The following DPYD variants were observed in gnomAD, a reference collection of about 807,000 sequenced individuals.
DPYD encodes the protein dihydropyrimidine dehydrogenase.
A neutral mutation model predicts 116.2 loss-of-function variants in DPYD; 109 were observed. The observed-to-expected ratio is 0.94, with a 90% confidence interval of 0.80 to 1.10. The LOEUF (loss-of-function observed/expected upper bound fraction) is 1.10. DPYD is among the 50% of genes least tolerant of loss of function. DPYD has a pLI of 0.00. For missense variants in DPYD, 1,302 were observed against 1,254.5 expected (o/e 1.04, Z -0.57); for synonymous variants, 440 against 432.0 (o/e 1.02, Z -0.23).
chr1:97,447,921 C>T (rs1314843198), intron 14 of DPYD, among the ~76,000 whole-genome samples: 1 of 151,998 alleles, frequency 6.6e-6, no homozygotes, highest in Non-Finnish European at 1.5e-5. Flanking sequence ...TCATACCATT[C>T]TCATGTTGCA....
intron 3 of DPYD, among the ~76,000 whole-genome samples, chr1:97,788,508 T>A (rs1374193733): frequency 6.6e-6 from 1 of 152,162 alleles, no homozygotes; most frequent in East Asian, 1.9e-4. Flanking sequence ...ATAGTTTGAA[T>A]GAGCTCAAGC....
chr1:97,591,041 C>T (rs1005800239), intron 10 of DPYD, among the ~76,000 whole-genome samples: 4 of 152,152 alleles, frequency 2.6e-5, no homozygotes, highest in Admixed American at 6.5e-5. Flanking sequence ...ATGATACTGG[C>T]GTTTTTTCTA....
chr1:97,828,214 A>G lies in DPYD; in HGVS notation c.151-18T>C. 6.2e-7 allele frequency: 1 copy of G among 1,608,720 alleles called. No individual in the cohort carries two copies. The highest frequency in any genetic ancestry group is 1.1e-5 in the South Asian group (1 of 90,956). On this transcript the variant is annotated intron_variant, in intron 2 of 22. Transcript: ENST00000370192. ...TCACAATTCTGCAACATATTTAAAA[A>G]TTGCATTAATTCTCTAAGATCCTGA...
At chr1:97,161,597 T>G (rs1006743951) in intron 20 of DPYD, among the ~76,000 whole-genome samples, 1 of 151,892 alleles carries the variant, frequency 6.6e-6, no homozygotes, top group Admixed American at 6.6e-5. Context: ...ATACTTTAAG[T>G]TTTAGGGTAC....
chr1:97,559,261 C>A (rs1651964510), intron 11 of DPYD, among the ~76,000 whole-genome samples: 1 of 151,982 alleles, frequency 6.6e-6, no homozygotes, highest in Non-Finnish European at 1.5e-5. Flanking sequence ...ATAAAATTCC[C>A]ATTTGCTGCA....
At chr1:97,201,257 A>T (rs2101844347) in intron 19 of DPYD, among the ~76,000 whole-genome samples, 1 of 152,276 alleles carries the variant, frequency 6.6e-6, no homozygotes, top group African/African-American at 2.4e-5. Flanking sequence ...TTCTTACTTT[A>T]ACTGGAAACT....
chr1:97,352,094 C>T (rs2101336256), intron 16 of DPYD, among the ~76,000 whole-genome samples: 1 of 152,142 alleles, frequency 6.6e-6, no homozygotes, highest in South Asian at 2.1e-4. Context: ...TAAAATGATG[C>T]AGTGAGATTT....
At chr1:97,614,284 G>A (rs1275397553) in intron 8 of DPYD, among the ~76,000 whole-genome samples, 1 of 152,014 alleles carries the variant, frequency 6.6e-6, no homozygotes, top group African/African-American at 2.4e-5. Context: ...AAGAGTTAGA[G>A]ACTTGAGCTA....
chr1:97,697,515 T>C (rs958796936), intron 6 of DPYD, among the ~76,000 whole-genome samples: 28 of 152,070 alleles, frequency 1.8e-4, no homozygotes, highest in Non-Finnish European at 3.7e-4. Context: ...TATAATCCTG[T>C]AACAGTGACA....
intron 18 of DPYD, among the ~76,000 whole-genome samples, chr1:97,275,776 T>C (rs1321241059): frequency 6.6e-6 from 1 of 152,138 alleles, no homozygotes; most frequent in African/African-American, 2.4e-5. Flanking sequence ...CAGGAAATCT[T>C]CCTTCAGTTC....
At chr1:97,345,770 AC>A (rs1220192758) in intron 16 of DPYD, among the ~76,000 whole-genome samples, 3 of 151,908 alleles carry the variant, frequency 2.0e-5, no homozygotes, top group Non-Finnish European at 4.4e-5. Flanking sequence ...TTATATGATA[AC>A]ATATAGTATG....
chr1:97,897,783 T>A (rs1381793478), intron 1 of DPYD, among the ~76,000 whole-genome samples: 1 of 151,896 alleles, frequency 6.6e-6, no homozygotes, highest in Non-Finnish European at 1.5e-5. Flanking sequence ...GTTTTAATGT[T>A]CTTCTCTGCT....
intron 7 of DPYD, 75 bp from the exon 8 acceptor site, chr1:97,679,257 G>A: frequency 1.2e-6 from 1 of 804,856 alleles, no homozygotes; most frequent in East Asian, 2.8e-5. Context: ...ACATCAAAAA[G>A]AATGAAAAGT....
At chr1:97,755,152 G>C (rs924642711) in intron 3 of DPYD, among the ~76,000 whole-genome samples, 5 of 152,146 alleles carry the variant, frequency 3.3e-5, no homozygotes, top group African/African-American at 1.2e-4. Context: ...AACAACTATA[G>C]CATGTGCTGT....
At chr1:97,082,295 G>T in intron 22 of DPYD, 35 bp downstream of exon 22, 1 of 1,612,676 alleles carries the variant, frequency 6.2e-7, no homozygotes. Context: ...GAAGAAACAT[G>T]TCTCATAGCA....
intron 3 of DPYD, among the ~76,000 whole-genome samples, chr1:97,827,783 G>A (rs957630518): frequency 6.6e-6 from 1 of 151,994 alleles, no homozygotes; most frequent in African/African-American, 2.4e-5. Context: ...AAGCACCATT[G>A]TACAATGTTT....
intron 13 of DPYD, among the ~76,000 whole-genome samples, chr1:97,498,315 A>G (rs1679386112): frequency 6.6e-6 from 1 of 151,814 alleles, no homozygotes; most frequent in South Asian, 2.1e-4. Flanking sequence ...TTTATACGTA[A>G]ATTATAAAAA....
intron 16 of DPYD, among the ~76,000 whole-genome samples, chr1:97,353,950 C>G (rs974886431): frequency 1.3e-5 from 2 of 152,210 alleles, no homozygotes; most frequent in Admixed American, 6.5e-5. Flanking sequence ...AGCCAGATGG[C>G]CGAGATTTGG....
intron 4 of DPYD, among the ~76,000 whole-genome samples, chr1:97,732,368 A>G (rs1571266119): frequency 6.6e-6 from 1 of 151,592 alleles, no homozygotes; most frequent in African/African-American, 2.4e-5. Flanking sequence ...TCAGCTACTC[A>G]GGAGGCTGAG....
Sources: allele counts gnomAD v4.1 joint callset (sites outside exome capture counted in the v4.1 genomes callset), GRCh38; gene constraint gnomAD v4.1.1; transcripts MANE v1.5; gene names NCBI Gene and HGNC (gene_info 2026-07-23, HGNC 2026-07-21).